The following HOXB2 variants were observed in gnomAD, a reference collection of about 807,000 sequenced individuals.
HOXB2 encodes the protein homeobox protein Hox-B2.
Under a neutral mutation model 13.1 loss-of-function variants are expected in HOXB2, and 14 were observed. That is an observed-to-expected ratio of 1.07 (90% CI 0.71 to 1.67). The LOEUF (loss-of-function observed/expected upper bound fraction) is 1.67, where lower values mean the gene tolerates loss of function less well. Among genes scored for constraint, HOXB2 ranks in the 40% most tolerant of loss-of-function variants. The probability of loss-of-function intolerance (pLI) is 0.00; values close to 1 mark genes in which losing one functional copy is unlikely to be tolerated. For missense variants in HOXB2, 582 were observed against 488.3 expected (o/e 1.19, Z -1.81); for synonymous variants, 261 against 233.1 (o/e 1.12, Z -1.09).
At chr17:48,544,345 G>A (rs2068543502) in intron 1 of HOXB2, 176 bp downstream of exon 1, 3 of 1,380,576 alleles carry the variant, frequency 2.2e-6, no homozygotes, top group Admixed American at 3.4e-5. Context: ...AAAAAAAAAA[G>A]ACGCTGTTAG....
chr17:48,544,804 T>C lies in HOXB2; in HGVS notation c.108A>G (p.Ser36=), dbSNP rs1222243701. The C allele has an allele frequency of 6.2e-7, 1 of 1,613,972 alleles. No individual in the cohort carries two copies. The highest frequency in any genetic ancestry group is 1.7e-5 in the Admixed American group (1 of 60,010). ...PAVLETFQTS[S]IKESTLIPPP... ...GAGGAATTAATGTCGACTCCTTGAT[T>C]GATGAAGTTTGAAATGTCTCCAAGA... is the stretch of plus-strand genomic sequence containing the variant. Residue 36 remains serine, a synonymous_variant, in exon 1 of 2, where the codon TCA becomes TCG. Transcript: ENST00000330070.
rs147236240 is a variant in HOXB2, at chr17:48,544,690, A to G, written c.222T>C (p.Asp74=). ...GCGGTGGCGGCGGCAGAGCAGGCCC[A>G]TCTTCGGCTCGCTTTTGGCTCCTGG... is the stretch of plus-strand genomic sequence containing the variant. ...QRPRSQKRAE[D]GPALPPPPPP... Residue 74 remains aspartate (D), a synonymous_variant, in exon 1 of 2, where the codon GAT becomes GAC. Transcript: ENST00000330070. 3.7e-4 allele frequency: 589 copies of G among 1,613,554 alleles called. 4 individuals carry two copies. In the African/African-American group the frequency reaches 5.4e-3, roughly 15 times the overall value.
Position 48,544,939 on chromosome 17 carries a change from C to CG in HOXB2, c.-29_-28insC. 8 of 414,264 alleles carry CG rather than the reference C, an allele frequency of 1.9e-5. No individual in the cohort carries two copies. The highest frequency in any genetic ancestry group is 7.0e-5 in the South Asian group (2 of 28,498). The allele number at this position is 414,264 out of a possible 1,614,324, so 25.7% of individuals were successfully genotyped here. ...CTTTCAATGGTGGGGGAGGGGGCTG[C>CG]TGGGGGGGGCGTCAGGAGGGAGGAT... On this transcript the variant is annotated 5_prime_UTR_variant, in exon 1 of 2. Transcript: ENST00000330070.
Position 48,544,525 on chromosome 17 carries a change from A to C in HOXB2, c.387T>G (p.Pro129=). The part of the protein sequence containing the change: ...SAVPASGVGS[P]ADGLGLPEAG... ...ACCCCCACCACGCTTACCGACCTGC[A>C]GGCGATCCGACCCCGGAGGCCGGAA... The change falls in exon 1 of 2, where the codon CCT becomes CCG. Residue 129 remains proline, a synonymous_variant. Transcript: ENST00000330070. The C allele has an allele frequency of 6.2e-7, 1 of 1,602,470 alleles. No homozygotes were observed. The highest frequency in any genetic ancestry group is 8.5e-7 in the Non-Finnish European group (1 of 1,179,100).
In HOXB2 at chr17:48,544,642, G is replaced by T; in HGVS notation, c.270C>A (p.Pro90=). Residue 90 remains proline, a synonymous_variant, in exon 1 of 2, where the codon CCC becomes CCA. Transcript: ENST00000330070. The part of the protein sequence containing the change: ...PPPPPPLPAA[P]PAPEFPWMKE... ...TCATCCAAGGGAACTCGGGGGCCGG[G>T]GGGGCAGCGGGGAGTGGCGGCGGCG... The T allele has an allele frequency of 6.2e-7, 1 of 1,612,090 alleles. No homozygotes were observed. The highest frequency in any genetic ancestry group is 8.5e-7 in the Non-Finnish European group (1 of 1,179,546).
Position 48,543,129 on chromosome 17 carries a change from G to A in HOXB2, c.1010C>T (p.Ser337Phe). The A allele has an allele frequency of 6.2e-7, 1 of 1,613,102 alleles. No individual in the cohort carries two copies. Among genetic ancestry groups the A allele is most frequent in the South Asian group, 1.1e-5 (1 of 90,998 alleles). Residue 337 changes from serine to phenylalanine, a missense_variant, in exon 2 of 2, where the codon TCC (serine) becomes TTC (phenylalanine). Transcript: ENST00000330070. The stretch of plus-strand genomic sequence containing the variant: ...GGTGAAAAAATCCAGCTCTTCCTCG[G>A]AAAAAGGGACCGGGCTGTCGAGAGA... Reference protein sequence around the residue: ...QGSLDSPVPFSEEELDFFTST... With the variant: ...QGSLDSPVPFFEEELDFFTST...
chr17:48,544,940 T>TGGGGGGGGGGGGGGGGGGGGGGGGGG lies in HOXB2; in HGVS notation c.-30_-29insCCCCCCCCCCCCCCCCCCCCCCCCCC. On this transcript the variant is annotated 5_prime_UTR_variant, in exon 1 of 2. Coordinates refer to ENST00000330070, the MANE Select transcript of HOXB2 (RefSeq NM_002145.4). ...TTTCAATGGTGGGGGAGGGGGCTGC[T>TGGGGGGGGGGGGGGGGGGGGGGGGGG]GGGGGGGGCGTCAGGAGGGAGGATC... The TGGGGGGGGGGGGGGGGGGGGGGGGGG allele has an allele frequency of 3.7e-6, 1 of 271,686 alleles. No individual in the cohort carries two copies. The highest frequency in any genetic ancestry group is 5.9e-6 in the Non-Finnish European group (1 of 170,486). 16.8% of individuals were successfully genotyped at this position (271,686 alleles called of 1,614,324 possible). A position where few individuals can be genotyped will look rare whatever the true frequency, so the allele number is the denominator to read the frequency against.
Position 48,544,680 on chromosome 17 carries a change from G to A in HOXB2, c.232C>T (p.Leu78=). ...SQKRAEDGPA[L]PPPPPPPLPA... is the part of the protein sequence containing the mutation. ...AGTGGCGGCGGCGGTGGCGGCGGCA[G>A]AGCAGGCCCATCTTCGGCTCGCTTT... The change falls in exon 1 of 2, where the codon CTG becomes TTG. Residue 78 remains leucine (L), a synonymous_variant. Coordinates refer to ENST00000330070, the MANE Select transcript of HOXB2 (RefSeq NM_002145.4). 2 of 1,613,150 alleles carry A rather than the reference G, an allele frequency of 1.2e-6. No individual in the cohort carries two copies. Among genetic ancestry groups the A allele is most frequent in the Non-Finnish European group, 1.7e-6 (2 of 1,179,714 alleles).
At position 48,544,950 on chromosome 17, in the gene HOXB2, G is replaced by T. The variant is rs1308458138; in HGVS notation, c.-39C>A. ...GGGGGAGGGGGCTGCTGGGGGGGGC[G>T]TCAGGAGGGAGGATCGGAAGGGACC... On this transcript the variant is annotated 5_prime_UTR_variant, in exon 1 of 2. Transcript: ENST00000330070. The T allele has an allele frequency of 2.2e-6, 3 of 1,359,680 alleles. No individual in the cohort carries two copies. Among genetic ancestry groups the T allele is most frequent in the South Asian group, 3.0e-5 (2 of 66,420 alleles). 84.2% of individuals were successfully genotyped at this position (1,359,680 alleles called of 1,614,324 possible). A position where few individuals can be genotyped will look rare whatever the true frequency, so the allele number is the denominator to read the frequency against.
At position 48,544,810 on chromosome 17, in the gene HOXB2, A is replaced by T. The variant is rs750689191; in HGVS notation, c.102T>A (p.Thr34=). The change falls in exon 1 of 2, where the codon ACT becomes ACA. Residue 34 remains threonine (T), a synonymous_variant. Coordinates refer to ENST00000330070, the MANE Select transcript of HOXB2 (RefSeq NM_002145.4). ...TTAATGTCGACTCCTTGATTGATGAAGTTTGAAATGTCTCCAAGACAGCGG... is the reference window on the plus strand; with the variant it reads ...TTAATGTCGACTCCTTGATTGATGATGTTTGAAATGTCTCCAAGACAGCGG... ...SFPAVLETFQ[T]SSIKESTLIP... 5.0e-6 allele frequency: 8 copies of T among 1,613,962 alleles called. No individual in the cohort carries two copies. Among genetic ancestry groups the T allele is most frequent in the Non-Finnish European group, 6.8e-6 (8 of 1,180,010 alleles).
Position 48,543,094 on chromosome 17 carries a change from A to G in HOXB2, c.1045T>C (p.Cys349Arg). The G allele has an allele frequency of 6.2e-7, 1 of 1,610,394 alleles. No individual in the cohort carries two copies. The highest frequency in any genetic ancestry group is 8.5e-7 in the Non-Finnish European group (1 of 1,178,668). ...EELDFFTSTL[C>R]AIDLQFP is the part of the protein sequence containing the mutation. ...TAGGGAAACTGCAGGTCGATGGCAC[A>G]GAGCGTACTGGTGAAAAAATCCAGC... is the stretch of plus-strand genomic sequence containing the variant. The change falls in exon 2 of 2, where the codon TGT becomes CGT. Residue 349 changes from cysteine (C) to arginine (R), a missense_variant. Cys to Arg is a radical substitution (Grantham distance 180, BLOSUM62 -3). Transcript: ENST00000330070.
chr17:48,544,738 G>A lies in HOXB2; in HGVS notation c.174C>T (p.Pro58=), dbSNP rs1437115024. 1.2e-6 allele frequency: 2 copies of A among 1,614,002 alleles called. No homozygotes were observed. The highest frequency in any genetic ancestry group is 1.7e-6 in the Non-Finnish European group (2 of 1,180,042). Residue 58 remains proline (P), a synonymous_variant, in exon 1 of 2, where the codon CCC becomes CCT. Coordinates refer to ENST00000330070, the MANE Select transcript of HOXB2 (RefSeq NM_002145.4). The part of the protein sequence containing the change: ...PFEQTFPSLQ[P]GASTLQRPRS... ...TGGGTCTCTGAAGGGTGGAGGCGCC[G>A]GGCTGGAGGCTGGGGAAGGTTTGCT...
Position 48,542,989 on chromosome 17 carries a change from T to C in HOXB2, c.*79A>G. ...AGCAAAACACATAAGTCTATGCGAC[T>C]GAGGGTGGGAGAGGCTCGATTTTTC... On this transcript the variant is annotated 3_prime_UTR_variant, in exon 2 of 2. Transcript: ENST00000330070. 1 of 1,136,804 alleles carries C rather than the reference T, an allele frequency of 8.8e-7. No individual in the cohort carries two copies. Among genetic ancestry groups the C allele is most frequent in the South Asian group, 1.6e-5 (1 of 62,632 alleles). 70.4% of individuals were successfully genotyped at this position (1,136,804 alleles called of 1,614,324 possible). A position where few individuals can be genotyped will look rare whatever the true frequency, so the allele number is the denominator to read the frequency against.
chr17:48,544,252 ATTTTCTTCTAGCAG>A, intron 1 of HOXB2: 1 of 1,359,824 alleles, frequency 7.4e-7, no homozygotes, highest in Non-Finnish European at 9.4e-7. Context: ...CAATCAAATC[ATTTTCTTCTAGCAG>A]AAAAAAAGGC....
At chr17:48,544,334 A>G (rs1598739109) in intron 1 of HOXB2, 187 bp downstream of exon 1, 1 of 63,356 alleles carries the variant, frequency 1.6e-5, no homozygotes, top group Non-Finnish European at 2.3e-5. Context: ...AGAGAGACAG[A>G]AAAAAAAAAA....
At chr17:48,544,474 C>T in intron 1 of HOXB2, 47 bp downstream of exon 1, 2 of 1,537,282 alleles carry the variant, frequency 1.3e-6, no homozygotes, top group Non-Finnish European at 1.7e-6. Flanking sequence ...GCTTTTTCTC[C>T]CCCTCTTCTA....
chr17:48,543,595 G>A lies in HOXB2; in HGVS notation c.544C>T (p.Leu182Phe). The change falls in exon 2 of 2, where the codon CTC becomes TTC. Residue 182 changes from leucine (L) to phenylalanine (F), a missense_variant. Coordinates refer to ENST00000330070, the MANE Select transcript of HOXB2 (RefSeq NM_002145.4). ...CAGACTTTGACCTGCCTTTCGGTGA[G>A]GTCCAGCAAGGCCGCGATCTCGACG... ...RRVEIAALLD[L>F]TERQVKVWFQ... 6.2e-7 allele frequency: 1 copy of A among 1,613,616 alleles called. No individual in the cohort carries two copies.
In HOXB2 at chr17:48,543,148, C is replaced by G; in HGVS notation, c.991G>C (p.Asp331His). 1 of 1,613,572 alleles carries G rather than the reference C, an allele frequency of 6.2e-7. No homozygotes were observed. The highest frequency in any genetic ancestry group is 8.5e-7 in the Non-Finnish European group (1 of 1,179,888). ...TCCTCGGAAAAAGGGACCGGGCTGT[C>G]GAGAGAACCCTGTAGGCTAGGGGAG... The part of the protein sequence containing the change: ...GLSPSLQGSL[D>H]SPVPFSEEEL... The change falls in exon 2 of 2, where the codon GAC becomes CAC. Residue 331 changes from aspartate to histidine, a missense_variant. Transcript: ENST00000330070.
chr17:48,544,936 C>CGG lies in HOXB2; in HGVS notation c.-26_-25insCC. On this transcript the variant is annotated 5_prime_UTR_variant, in exon 1 of 2. Coordinates refer to ENST00000330070, the MANE Select transcript of HOXB2 (RefSeq NM_002145.4). ...TGGCTTTCAATGGTGGGGGAGGGGGCTGCTGGGGGGGGCGTCAGGAGGGAG... is the reference window on the plus strand; with the variant it reads ...TGGCTTTCAATGGTGGGGGAGGGGGCGGTGCTGGGGGGGGCGTCAGGAGGGAG... 2 of 695,926 alleles carry CGG rather than the reference C, an allele frequency of 2.9e-6. No homozygotes were observed. The highest frequency in any genetic ancestry group is 2.3e-5 in the South Asian group (1 of 43,068). The allele number at this position is 695,926 out of a possible 1,614,324, so 43.1% of individuals were successfully genotyped here.
Sources: allele counts gnomAD v4.1 joint callset, GRCh38; gene constraint gnomAD v4.1.1; transcripts MANE v1.5; gene names NCBI Gene and HGNC (gene_info 2026-07-23, HGNC 2026-07-21).